TASP1: variants seen among roughly 807,000 people sequenced by gnomAD.
The protein encoded by TASP1 is threonine aspartase 1.
Under a neutral mutation model 56.6 loss-of-function variants are expected in TASP1, and 16 were observed. That is an observed-to-expected ratio of 0.28 (90% CI 0.19 to 0.43). TASP1 has a LOEUF of 0.43. TASP1 is among the 20% of genes least tolerant of loss of function. The pLI, the probability that TASP1 is intolerant of heterozygous loss-of-function variation, is 1.00. For missense variants in TASP1, 393 were observed against 511.6 expected (o/e 0.77, Z 2.24); for synonymous variants, 179 against 184.2 (o/e 0.97, Z 0.23).
At chr20:13,435,318 G>A (rs759547949) in intron 11 of TASP1, among the ~76,000 whole-genome samples, 164 bp from the exon 12 acceptor site, 4 of 152,140 alleles carry the variant, frequency 2.6e-5, no homozygotes, top group Non-Finnish European at 5.9e-5. Flanking sequence ...GCAAAGGCAG[G>A]TTTATGCCTG....
At chr20:13,117,791 T>C in the TASP1 span, 1 of 1,402,212 alleles carries the variant, frequency 7.1e-7, no homozygotes, top group Non-Finnish European at 9.7e-7. Context: ...GTGTAGGGCT[T>C]CTCTGAATTT....
At chr20:13,303,345 T>C in the TASP1 span, among the ~76,000 whole-genome samples, 3 of 152,252 alleles carry the variant, frequency 2.0e-5, no homozygotes, top group African/African-American at 4.8e-5. Context: ...AGTTATCTCA[T>C]AGTCCATAAA....
At chr20:13,221,222 C>G in the TASP1 span, among the ~76,000 whole-genome samples, 1 of 42,324 alleles carries the variant, frequency 2.4e-5, no homozygotes, top group Non-Finnish European at 4.5e-5. Context: ...CCCTCCTACT[C>G]CTCCTCCTCC....
At chr20:13,282,146 AT>A in the TASP1 span, among the ~76,000 whole-genome samples, 11 of 150,816 alleles carry the variant, frequency 7.3e-5, no homozygotes, top group East Asian at 5.9e-4. Flanking sequence ...CACCTGGGGA[AT>A]TTTTTTTTCA....
intron 8 of TASP1, among the ~76,000 whole-genome samples, chr20:13,541,649 C>A (rs1157693721): frequency 6.6e-6 from 1 of 152,104 alleles, no homozygotes. Context: ...AGGCAGGAAC[C>A]TTTGCATGTT....
chr20:13,235,034 T>C, the TASP1 span, among the ~76,000 whole-genome samples: 2 of 152,172 alleles, frequency 1.3e-5, no homozygotes, highest in Admixed American at 1.3e-4. Context: ...TTAATACAGG[T>C]CCTGTGTTAT....
At chr20:13,310,300 C>G in the TASP1 span, among the ~76,000 whole-genome samples, 1 of 152,170 alleles carries the variant, frequency 6.6e-6, no homozygotes, top group Non-Finnish European at 1.5e-5. Context: ...ATCTTTGACA[C>G]ATTTGCAAGA....
intron 6 of TASP1, among the ~76,000 whole-genome samples, chr20:13,578,162 G>A (rs1328995571): frequency 2.0e-5 from 3 of 150,608 alleles, no homozygotes; most frequent in African/African-American, 7.3e-5. Flanking sequence ...GCACATTGTT[G>A]GTTTTTGTTA....
intron 11 of TASP1, among the ~76,000 whole-genome samples, chr20:13,437,828 A>T (rs1403349378): frequency 6.6e-6 from 1 of 152,200 alleles, no homozygotes; most frequent in Non-Finnish European, 1.5e-5. Flanking sequence ...CTTCAAGGAG[A>T]ACTACAAACC....
At chr20:13,578,250 C>G (rs2046999277) in intron 6 of TASP1, among the ~76,000 whole-genome samples, 2 of 151,558 alleles carry the variant, frequency 1.3e-5, no homozygotes, top group African/African-American at 4.8e-5. Flanking sequence ...TTATTGGGCA[C>G]CTTTTAATGT....
the TASP1 span, among the ~76,000 whole-genome samples, chr20:13,294,083 C>G: frequency 2.6e-5 from 4 of 152,108 alleles, no homozygotes; most frequent in Non-Finnish European, 4.4e-5. Context: ...TCCAAAGGGT[C>G]GGCCATGATG....
intron 10 of TASP1, among the ~76,000 whole-genome samples, chr20:13,523,931 T>C (rs185171527): frequency 3.6e-4 from 55 of 152,214 alleles, no homozygotes; most frequent in Middle Eastern, 3.4e-3. Context: ...GGAGGATCAC[T>C]GGAGCCCAGG....
the TASP1 span, among the ~76,000 whole-genome samples, chr20:13,219,860 C>G: frequency 6.6e-6 from 1 of 152,164 alleles, no homozygotes; most frequent in African/African-American, 2.4e-5. Context: ...TTGGTTAATA[C>G]TTGGTTGAGA....
At chr20:13,413,083 C>A (rs777629249) in intron 13 of TASP1, among the ~76,000 whole-genome samples, 14 of 152,084 alleles carry the variant, frequency 9.2e-5, no homozygotes, top group Non-Finnish European at 1.8e-4. Flanking sequence ...GCACCCATCC[C>A]AATACTTATT....
intron 9 of TASP1, among the ~76,000 whole-genome samples, chr20:13,532,688 C>T (rs1045332117): frequency 1.3e-5 from 2 of 152,238 alleles, no homozygotes; most frequent in Non-Finnish European, 2.9e-5. Context: ...CTAACATAGT[C>T]CAGAACTATC....
chr20:13,140,494 T>C, the TASP1 span, among the ~76,000 whole-genome samples: 1 of 152,202 alleles, frequency 6.6e-6, no homozygotes, highest in Admixed American at 6.5e-5. Context: ...AGAGACTTCC[T>C]ATCAGGATGG....
intron 11 of TASP1, among the ~76,000 whole-genome samples, chr20:13,435,486 G>A: frequency 6.6e-6 from 1 of 152,154 alleles, no homozygotes; most frequent in South Asian, 2.1e-4. Flanking sequence ...GACTCCCTTT[G>A]ATCAACTCTT....
chr20:13,174,679 A>G, the TASP1 span, among the ~76,000 whole-genome samples: 1 of 150,794 alleles, frequency 6.6e-6, no homozygotes, highest in Non-Finnish European at 1.5e-5. Context: ...AGCCTGGGTG[A>G]CAGAGTGAAA....
chr20:13,515,544 C>G (rs987075208), intron 10 of TASP1, among the ~76,000 whole-genome samples: 1 of 91,616 alleles, frequency 1.1e-5, no homozygotes, highest in East Asian at 3.1e-4. Context: ...GTGATTCATA[C>G]ACTTAAAAAA....
Sources: allele counts gnomAD v4.1 joint callset (sites outside exome capture counted in the v4.1 genomes callset), GRCh38; gene constraint gnomAD v4.1.1; transcripts MANE v1.5; gene names NCBI Gene and HGNC (gene_info 2026-07-23, HGNC 2026-07-21).